DGKB: variants seen among roughly 807,000 people sequenced by gnomAD.
DGKB encodes the protein diacylglycerol kinase beta, also known as 90 kDa diacylglycerol kinase.
Under a neutral mutation model 114.3 loss-of-function variants are expected in DGKB, and 67 were observed. The observed-to-expected ratio is 0.59, with a 90% CI of 0.48 to 0.72. The LOEUF is 0.72. Ranked by LOEUF, DGKB falls within the 30% of genes least tolerant of loss-of-function variation. DGKB has a pLI of 0.00. For synonymous variants in DGKB, 398 were observed against 323.1 expected (o/e 1.23, Z -2.49); for missense variants, 907 against 975.2 (o/e 0.93, Z 0.93).
In DGKB at chr7:14,956,752, G is replaced by A. The variant is rs148047883; in HGVS notation, c.-188+17944C>T. Among the ~76,000 whole-genome samples the A allele has an allele frequency of 1.1e-4, 17 of 152,030 alleles. 1 individual carries two copies. Among genetic ancestry groups the A allele is most frequent in the South Asian group, 4.1e-4 (2 of 4,824 alleles). ...GGAGAAGAAGATAATATAACCATGA[G>A]TGCAATGGAGCAGATGTAAAGATCC... On this transcript the variant is annotated intron_variant, in intron 1 of 4. Transcript: ENST00000437998.
At chr7:14,652,238 G>T (rs1435074857) in intron 13 of DGKB, among the ~76,000 whole-genome samples, 1 of 151,836 alleles carries the variant, frequency 6.6e-6, no homozygotes, top group Non-Finnish European at 1.5e-5. Flanking sequence ...CACACTACCT[G>T]ACTTCAAACT....
intron 4 of DGKB, among the ~76,000 whole-genome samples, chr7:14,738,452 T>G (rs1324999667): frequency 6.6e-6 from 1 of 152,226 alleles, no homozygotes; most frequent in African/African-American, 2.4e-5. Context: ...GCTGTGTCAC[T>G]GTGGACAATT....
chr7:14,165,940 T>G (rs571890506), intron 25 of DGKB, among the ~76,000 whole-genome samples: 1 of 152,352 alleles, frequency 6.6e-6, no homozygotes, highest in South Asian at 2.1e-4. Flanking sequence ...AGCATGGTAT[T>G]TCTTCCTTTC....
chr7:14,685,508 C>T, intron 9 of DGKB, 146 bp from the exon 10 acceptor site: 1 of 625,264 alleles, frequency 1.6e-6, no homozygotes, highest in Non-Finnish European at 2.8e-6. Context: ...ACCGCAGAGC[C>T]TTTAGAAAAA....
chr7:14,524,222 T>C (rs1176553369), intron 20 of DGKB, among the ~76,000 whole-genome samples: 1 of 151,962 alleles, frequency 6.6e-6, no homozygotes, highest in Non-Finnish European at 1.5e-5. Flanking sequence ...AGAGTTTAAA[T>C]TTGAAAAAAA....
intron 21 of DGKB, among the ~76,000 whole-genome samples, chr7:14,466,731 T>C (rs926613336): frequency 6.6e-6 from 1 of 151,904 alleles, no homozygotes; most frequent in African/African-American, 2.4e-5. Context: ...GGCAATAGAA[T>C]CGCTTGAACC....
rs558750113 is a variant in DGKB, at chr7:14,619,475, G to A, written c.1284+1903C>T. 4.6e-5 allele frequency among the ~76,000 whole-genome samples: 7 copies of A among 151,308 alleles called. No individual in the cohort carries two copies. In the East Asian group the frequency reaches 7.7e-4, roughly 17 times the overall value. On this transcript the variant is annotated intron_variant, in intron 15 of 25. Transcript: ENST00000402815. ...CTATTTAATTTTGGTTTTGATGTCC[G>A]GGCAAATTGAGGTATGATTATGAAA...
intron 1 of DGKB, among the ~76,000 whole-genome samples, chr7:14,921,316 T>C (rs1460545464): frequency 6.6e-6 from 1 of 152,166 alleles, no homozygotes; most frequent in Non-Finnish European, 1.5e-5. Flanking sequence ...GCAAGATGTG[T>C]GCTGGCAAAA....
At chr7:14,860,060 T>C (rs753079684) in intron 1 of DGKB, among the ~76,000 whole-genome samples, 2 of 152,128 alleles carry the variant, frequency 1.3e-5, no homozygotes, top group Admixed American at 6.6e-5. Context: ...GAAAACAGTT[T>C]CTTTAAGCAC....
At chr7:14,623,373 T>G (rs189570122) in intron 14 of DGKB, among the ~76,000 whole-genome samples, 283 of 152,292 alleles carry the variant, frequency 1.9e-3, no homozygotes, top group Middle Eastern at 0.01. Context: ...TTTGTGCAAA[T>G]GTATGGGGTA....
intron 4 of DGKB, among the ~76,000 whole-genome samples, chr7:14,736,465 GA>G (rs1310359959): frequency 1.2e-5 from 1 of 82,506 alleles, no homozygotes; most frequent in Non-Finnish European, 4.1e-5. Context: ...GTAATGCCTT[GA>G]AAAATGTACT....
chr7:14,655,169 C>T (rs1391622702), intron 13 of DGKB, among the ~76,000 whole-genome samples: 1 of 151,694 alleles, frequency 6.6e-6, no homozygotes, highest in African/African-American at 2.4e-5. Flanking sequence ...ATACAAGGAA[C>T]TCAAACAACT....
At chr7:14,868,927 G>GGAA (rs1284390756) in intron 1 of DGKB, among the ~76,000 whole-genome samples, 2 of 151,986 alleles carry the variant, frequency 1.3e-5, no homozygotes, top group African/African-American at 4.8e-5. Context: ...AATTCCTCAG[G>GGAA]GAAGATCAAG....
chr7:14,627,837 G>C (rs978899782), intron 14 of DGKB, among the ~76,000 whole-genome samples: 1 of 151,830 alleles, frequency 6.6e-6, no homozygotes, highest in East Asian at 1.9e-4. Flanking sequence ...CAGCTACTTT[G>C]GCGGCTGAAG....
intron 21 of DGKB, among the ~76,000 whole-genome samples, chr7:14,418,788 A>G (rs187963701): frequency 1.0e-3 from 158 of 152,066 alleles, no homozygotes; most frequent in African/African-American, 3.6e-3. Context: ...AAGCAGGACA[A>G]TAATGGTTAT....
At chr7:14,252,069 C>A (rs1045873339) in intron 23 of DGKB, among the ~76,000 whole-genome samples, 2 of 152,120 alleles carry the variant, frequency 1.3e-5, no homozygotes, top group Non-Finnish European at 1.5e-5. Flanking sequence ...GTCATTATTT[C>A]TTTAAATAAG....
chr7:14,795,564 C>T (rs1428920595), intron 2 of DGKB, among the ~76,000 whole-genome samples: 1 of 152,124 alleles, frequency 6.6e-6, no homozygotes, highest in Non-Finnish European at 1.5e-5. Context: ...TCTCTGTGAT[C>T]ACTGTCTGTA....
intron 2 of DGKB, among the ~76,000 whole-genome samples, chr7:14,815,504 C>A (rs1428336022): frequency 6.6e-6 from 1 of 152,220 alleles, no homozygotes; most frequent in African/African-American, 2.4e-5. Context: ...TCTGCCCTCT[C>A]TTTTTGCAGC....
At chr7:14,505,958 T>G (rs568375175) in intron 20 of DGKB, among the ~76,000 whole-genome samples, 11 of 152,276 alleles carry the variant, frequency 7.2e-5, no homozygotes, top group Admixed American at 3.3e-4. Context: ...CCCAGATTTT[T>G]TTTTATAATT....
Sources: gnomAD v4.1 joint callset for allele counts (sites outside exome capture counted in the v4.1 genomes callset) on GRCh38, gnomAD v4.1.1 for gene constraint, MANE v1.5 for transcripts, NCBI Gene and HGNC (gene_info 2026-07-23, HGNC 2026-07-21) for gene names.